The following ANKRD11 variants were observed in gnomAD, a reference collection of about 807,000 sequenced individuals.
The protein encoded by ANKRD11 is ankyrin repeat domain 11.
Under a neutral mutation model 195.7 loss-of-function variants are expected in ANKRD11, and 17 were observed. The observed-to-expected ratio is 0.09, with a 90% CI of 0.06 to 0.13. ANKRD11 has a LOEUF of 0.13. ANKRD11 is among the 10% of genes least tolerant of loss of function. ANKRD11 has a pLI of 1.00. For synonymous variants in ANKRD11, 1,953 were observed against 1,528.1 expected (o/e 1.28, Z -6.49); for missense variants, 3,735 against 3,566.1 (o/e 1.05, Z -1.21).
At chr16:89,385,830 G>A (rs923076334) in intron 2 of ANKRD11, among the ~76,000 whole-genome samples, 9 of 152,226 alleles carry the variant, frequency 5.9e-5, no homozygotes, top group African/African-American at 1.7e-4. Flanking sequence ...GCCAGAGGCC[G>A]GGGATTAGGC....
At chr16:89,410,643 T>C (rs2965932) in intron 2 of ANKRD11, among the ~76,000 whole-genome samples, 81,828 of 152,150 alleles carry the variant, frequency 0.54, 22,208 homozygotes, top group Middle Eastern at 0.72. Context: ...CACCATCAGA[T>C]ATGAACAAGA....
At chr16:89,305,553 T>C (rs1010480538) in intron 3 of ANKRD11, among the ~76,000 whole-genome samples, 6 of 152,078 alleles carry the variant, frequency 3.9e-5, no homozygotes, top group African/African-American at 1.4e-4. Context: ...CAGCCCTGAC[T>C]CTGGCCCATT....
At chr16:89,445,991 AATT>A (rs1423924794) in intron 1 of ANKRD11, among the ~76,000 whole-genome samples, 2 of 148,796 alleles carry the variant, frequency 1.3e-5, no homozygotes, top group African/African-American at 2.4e-5. Context: ...CAAAAAAAAA[AATT>A]TTTTGTTAAA....
At chr16:89,294,173 C>T (rs1003326679) in intron 4 of ANKRD11, among the ~76,000 whole-genome samples, 3 of 152,164 alleles carry the variant, frequency 2.0e-5, no homozygotes, top group African/African-American at 7.2e-5. Context: ...GTGAAGAAAG[C>T]CTGAGTTGGC....
chr16:89,298,059 G>C (rs1162674467), intron 4 of ANKRD11: 1 of 152,236 alleles, frequency 6.6e-6, no homozygotes, highest in African/African-American at 2.4e-5. Context: ...GGGGCGGAAG[G>C]ACCAGTTCCA....
chr16:89,374,591 T>C (rs1394287248), intron 2 of ANKRD11, among the ~76,000 whole-genome samples: 1 of 152,236 alleles, frequency 6.6e-6, no homozygotes, highest in East Asian at 1.9e-4. Context: ...ATGCGCCATC[T>C]ACAGAGCAAC....
chr16:89,346,474 C>A (rs539640956), intron 2 of ANKRD11, among the ~76,000 whole-genome samples: 1 of 152,146 alleles, frequency 6.6e-6, no homozygotes, highest in Non-Finnish European at 1.5e-5. Flanking sequence ...ATTTTTCAAG[C>A]TCCCAGGGAA....
At position 89,478,491 on chromosome 16, in the gene ANKRD11, G is replaced by C. The variant is rs2057334617; in HGVS notation, c.-145+11754C>G. ...ACCCGGTAACTCATTACTTTCCAAA[G>C]AGAATGGGTCTCAAGGTCTCAAGGA... On this transcript the variant is annotated intron_variant, in intron 1 of 12. Transcript: ENST00000301030. Among the ~76,000 whole-genome samples, 3 of 152,148 alleles carry C rather than the reference G, an allele frequency of 2.0e-5. No homozygotes were observed. In the South Asian group the frequency reaches 6.2e-4, roughly 31 times the overall value.
At chr16:89,458,348 C>G (rs1424347010) in intron 1 of ANKRD11, among the ~76,000 whole-genome samples, 1 of 152,066 alleles carries the variant, frequency 6.6e-6, no homozygotes, top group South Asian at 2.1e-4. Flanking sequence ...CCTCAGCCTC[C>G]TGAGTAGCTG....
At chr16:89,427,736 T>C (rs1198748748) in intron 1 of ANKRD11, among the ~76,000 whole-genome samples, 1 of 151,602 alleles carries the variant, frequency 6.6e-6, no homozygotes, top group African/African-American at 2.4e-5. Context: ...GAGGCAGAGG[T>C]TGCAGTGAGC....
At chr16:89,313,046 C>CATG (rs1420434700) in intron 3 of ANKRD11, among the ~76,000 whole-genome samples, 2 of 152,152 alleles carry the variant, frequency 1.3e-5, no homozygotes, top group Non-Finnish European at 2.9e-5. Flanking sequence ...TGCCCATGGA[C>CATG]GCCATCTCCA....
chr16:89,320,791 C>T (rs1023251737), intron 2 of ANKRD11, among the ~76,000 whole-genome samples: 2 of 152,376 alleles, frequency 1.3e-5, no homozygotes, highest in Non-Finnish European at 2.9e-5. Flanking sequence ...CTCTGGGATC[C>T]AGGGCCAGCT....
chr16:89,356,311 C>T (rs947362617), intron 2 of ANKRD11, among the ~76,000 whole-genome samples: 5 of 151,702 alleles, frequency 3.3e-5, no homozygotes, highest in Admixed American at 1.3e-4. Context: ...TCCAGAGACA[C>T]GCACAGTTCT....
At chr16:89,457,136 T>C (rs1014231328) in intron 1 of ANKRD11, among the ~76,000 whole-genome samples, 6 of 150,584 alleles carry the variant, frequency 4.0e-5, no homozygotes, top group African/African-American at 1.5e-4. Context: ...ATTTTTTGTA[T>C]TTTTAGTAGA....
intron 1 of ANKRD11, among the ~76,000 whole-genome samples, chr16:89,485,323 T>TAAA (rs397855823): frequency 7.8e-6 from 1 of 128,106 alleles, no homozygotes; most frequent in Admixed American, 8.0e-5. Context: ...ATCTCTACTT[T>TAAA]AAAAAAAAAA....
In ANKRD11 at chr16:89,473,625, C is replaced by T. The variant is rs58217491; in HGVS notation, c.-145+16620G>A. Reference sequence around the variant, plus strand: ...AATGGAGGAGAGAGAAGAGACGCACCGCTCTCCCACAGACTGATACGTCAT... The same window carrying T: ...AATGGAGGAGAGAGAAGAGACGCACTGCTCTCCCACAGACTGATACGTCAT... On this transcript the variant is annotated intron_variant, in intron 1 of 12. Coordinates refer to ENST00000301030, the MANE Select transcript of ANKRD11 (RefSeq NM_013275.6). Among the ~76,000 whole-genome samples the T allele has an allele frequency of 2.1e-3, 323 of 152,294 alleles. 1 individual carries two copies. The highest frequency in any genetic ancestry group is 7.2e-3 in the African/African-American group (300 of 41,564).
intron 2 of ANKRD11, among the ~76,000 whole-genome samples, chr16:89,351,869 T>G (rs1050925006): frequency 6.6e-6 from 1 of 152,170 alleles, no homozygotes; most frequent in South Asian, 2.1e-4. Context: ...ACTGTGCGCT[T>G]TATCTGGGTA....
chr16:89,446,383 C>T (rs1173165008), intron 1 of ANKRD11, among the ~76,000 whole-genome samples: 1 of 152,180 alleles, frequency 6.6e-6, no homozygotes, highest in East Asian at 1.9e-4. Context: ...ACAGGCAGAT[C>T]GCTTGAGCCC....
intron 2 of ANKRD11, among the ~76,000 whole-genome samples, chr16:89,331,451 A>G (rs1358508777): frequency 6.6e-6 from 1 of 152,204 alleles, no homozygotes; most frequent in Non-Finnish European, 1.5e-5. Flanking sequence ...TTTACAGATT[A>G]AAGACTTAAA....
Sources: allele counts gnomAD v4.1 joint callset (sites outside exome capture counted in the v4.1 genomes callset), GRCh38; gene constraint gnomAD v4.1.1; transcripts MANE v1.5; gene names NCBI Gene and HGNC (gene_info 2026-07-23, HGNC 2026-07-21).